Variants in CELF2 observed in about 807,000 individuals in gnomAD.
CELF2 encodes CUGBP Elav-like family member 2.
Under a neutral mutation model 62.6 loss-of-function variants are expected in CELF2, and 8 were observed. The ratio of observed to expected loss-of-function variants is 0.13; its 90% CI spans 0.07 to 0.23. The LOEUF (loss-of-function observed/expected upper bound fraction) is 0.23. CELF2 is among the 10% of genes least tolerant of loss of function. The probability of loss-of-function intolerance (pLI) is 1.00; values close to 1 mark genes in which losing one functional copy is unlikely to be tolerated. For missense variants in CELF2, 333 were observed against 671.0 expected (o/e 0.50, Z 5.56); for synonymous variants, 258 against 250.0 (o/e 1.03, Z -0.30).
At chr10:10,543,672 C>A in the CELF2 span, among the ~76,000 whole-genome samples, 1 of 152,044 alleles carries the variant, frequency 6.6e-6, no homozygotes, top group Non-Finnish European at 1.5e-5. Flanking sequence ...CATGGAGAAA[C>A]CTCATCTCTT....
the CELF2 span, among the ~76,000 whole-genome samples, chr10:10,685,908 T>C: frequency 6.6e-6 from 1 of 152,296 alleles, no homozygotes; most frequent in East Asian, 1.9e-4. Flanking sequence ...AATTGTTTCC[T>C]AGTCCTCTTC....
intron 2 of CELF2, among the ~76,000 whole-genome samples, chr10:10,962,577 C>T (rs1260379768): frequency 6.6e-6 from 1 of 152,118 alleles, no homozygotes; most frequent in East Asian, 1.9e-4. Flanking sequence ...AAATATTAAC[C>T]AGGCATGGTG....
chr10:10,863,372 A>G (rs535062206), intron 1 of CELF2, among the ~76,000 whole-genome samples: 1 of 152,218 alleles, frequency 6.6e-6, no homozygotes, highest in South Asian at 2.1e-4. Flanking sequence ...CTTGTTTACT[A>G]TTTCTTCCAA....
At chr10:10,926,625 C>T (rs1000018471) in intron 2 of CELF2, among the ~76,000 whole-genome samples, 1 of 152,170 alleles carries the variant, frequency 6.6e-6, no homozygotes, top group African/African-American at 2.4e-5. Flanking sequence ...CACGTGGGGA[C>T]CATGTCCATC....
chr10:10,625,552 C>T, the CELF2 span, among the ~76,000 whole-genome samples: 2 of 152,324 alleles, frequency 1.3e-5, no homozygotes, highest in East Asian at 1.9e-4. Flanking sequence ...CTTCAAATCT[C>T]GAAGCCCTGA....
the CELF2 span, among the ~76,000 whole-genome samples, chr10:10,617,137 C>T: frequency 6.6e-6 from 1 of 152,192 alleles, no homozygotes; most frequent in African/African-American, 2.4e-5. Flanking sequence ...TTCTCAGATC[C>T]CTGCTAGATA....
intron 2 of CELF2, among the ~76,000 whole-genome samples, chr10:11,206,770 A>G (rs2060523652): frequency 6.6e-6 from 1 of 152,272 alleles, no homozygotes; most frequent in South Asian, 2.1e-4. Context: ...TGAAAAATAC[A>G]AAGCGTGATA....
chr10:10,839,125 G>A (rs185443730), intron 1 of CELF2, among the ~76,000 whole-genome samples: 2 of 152,234 alleles, frequency 1.3e-5, no homozygotes, highest in Non-Finnish European at 2.9e-5. Context: ...CAGCCTGAGC[G>A]ACAGAGCAAG....
the CELF2 span, among the ~76,000 whole-genome samples, chr10:10,789,261 AT>A: frequency 6.6e-6 from 1 of 152,150 alleles, no homozygotes; most frequent in Non-Finnish European, 1.5e-5. Flanking sequence ...TCTATGTAAC[AT>A]TTTGTGACTT....
chr10:11,247,627 A>T lies in CELF2; in HGVS notation c.355-1526A>T, dbSNP rs2076009924. 7.2e-6 allele frequency among the ~76,000 whole-genome samples: 1 copy of T among 139,840 alleles called. No individual in the cohort carries two copies. Among genetic ancestry groups the T allele is most frequent in the Non-Finnish European group, 1.5e-5 (1 of 65,678 alleles). The allele number at this position is 139,840 out of a possible 152,430, so 91.7% of individuals were successfully genotyped here. Reference sequence around the variant, plus strand: ...ATGCCCGCCATCCCACCCCTGCCACACTGAGCACCTGAAGGGAGGACCTTC... The same window carrying T: ...ATGCCCGCCATCCCACCCCTGCCACTCTGAGCACCTGAAGGGAGGACCTTC... On this transcript the variant is annotated intron_variant, in intron 3 of 12. Transcript: ENST00000633077. This position sits in a 1 kb window ranked among gnomAD's most constrained non-coding sequence, Gnocchi z 5.4.
intron 1 of CELF2, among the ~76,000 whole-genome samples, chr10:10,897,793 G>A (rs55853842): frequency 6.6e-6 from 1 of 152,292 alleles, no homozygotes; most frequent in Non-Finnish European, 1.5e-5. Flanking sequence ...AACAGAGACA[G>A]AATGAAATGA....
At chr10:10,847,397 T>C (rs1373177392) in intron 1 of CELF2, among the ~76,000 whole-genome samples, 1 of 152,090 alleles carries the variant, frequency 6.6e-6, no homozygotes, top group African/African-American at 2.4e-5. Flanking sequence ...TAGCCTCAAA[T>C]GAGAAAATGC....
chr10:10,898,349 A>C (rs925849543), intron 1 of CELF2, among the ~76,000 whole-genome samples: 1 of 152,208 alleles, frequency 6.6e-6, no homozygotes, highest in East Asian at 1.9e-4. Flanking sequence ...TTGATTTTGG[A>C]CTTCTGGCCT....
chr10:11,104,853 G>C (rs4750018), intron 1 of CELF2, among the ~76,000 whole-genome samples: 21,505 of 152,218 alleles, frequency 0.14, 3,120 homozygotes, highest in East Asian at 0.72. Context: ...CAGTATCAAC[G>C]CTTGTAGGTA....
At chr10:10,842,126 C>T (rs2058724448) in intron 1 of CELF2, among the ~76,000 whole-genome samples, 1 of 151,998 alleles carries the variant, frequency 6.6e-6, no homozygotes, top group African/African-American at 2.4e-5. Flanking sequence ...GAAAAATTAA[C>T]TTGTATATTG....
chr10:10,925,431 A>C (rs999013425), intron 2 of CELF2, among the ~76,000 whole-genome samples: 1 of 151,966 alleles, frequency 6.6e-6, no homozygotes. Context: ...TCAGCTTGGC[A>C]TACACTTAGT....
the CELF2 span, among the ~76,000 whole-genome samples, chr10:10,756,193 T>C: frequency 6.6e-6 from 1 of 152,208 alleles, no homozygotes; most frequent in African/African-American, 2.4e-5. Context: ...TTTCTTTCCA[T>C]TTCTATATAT....
At chr10:10,533,580 C>G in the CELF2 span, among the ~76,000 whole-genome samples, 22 of 152,330 alleles carry the variant, frequency 1.4e-4, no homozygotes, top group Middle Eastern at 6.8e-3. Context: ...GTGTATGAGT[C>G]AGAGAAACTC....
the CELF2 span, among the ~76,000 whole-genome samples, chr10:10,711,055 C>T: frequency 6.6e-6 from 1 of 152,082 alleles, no homozygotes; most frequent in African/African-American, 2.4e-5. Flanking sequence ...CGGGGCTGTC[C>T]TGGGTGTCTG....
Sources: allele counts gnomAD v4.1 joint callset (sites outside exome capture counted in the v4.1 genomes callset), GRCh38; gene constraint gnomAD v4.1.1; non-coding constraint Gnocchi (gnomAD v3.1); transcripts MANE v1.5; gene names NCBI Gene and HGNC (gene_info 2026-07-23, HGNC 2026-07-21).